The following IPO7 variants were observed in gnomAD, a reference collection of about 807,000 sequenced individuals.
IPO7 encodes importin 7, also known as importin-7.
Under a neutral mutation model 136.4 loss-of-function variants are expected in IPO7, and 13 were observed. That is an observed-to-expected ratio of 0.10 (90% CI 0.06 to 0.15). The LOEUF is 0.15. IPO7 is among the 10% of genes least tolerant of loss of function. IPO7 has a pLI of 1.00. For missense variants in IPO7, 857 were observed against 1,240.6 expected (o/e 0.69, Z 4.65); for synonymous variants, 403 against 404.4 (o/e 1.00, Z 0.04).
rs746976344 is a variant in IPO7 at position 9,430,856 on chromosome 11, T to TA, written c.1753-18dup. On this transcript the variant is annotated intron_variant, in intron 15 of 24. Coordinates refer to ENST00000379719, the MANE Select transcript of IPO7 (RefSeq NM_006391.3). ...TAATGCTTCAGTGACAAACTTGAGT[T>TA]ATATTCTCTTGAATCTAGGCAATGA... 3.1e-6 allele frequency: 5 copies of TA among 1,608,848 alleles called. No individual in the cohort carries two copies. The highest frequency in any genetic ancestry group is 2.2e-4 in the Middle Eastern group (1 of 4,518).
Position 9,440,724 on chromosome 11 carries a change from C to T in IPO7, c.2902+63C>T, listed in dbSNP as rs1271081443. 7.0e-6 allele frequency: 9 copies of T among 1,291,810 alleles called. No homozygotes were observed. In the Admixed American group the frequency reaches 8.4e-5, roughly 12 times the overall value. 80.0% of individuals were successfully genotyped at this position (1,291,810 alleles called of 1,614,324 possible). A position where few individuals can be genotyped will look rare whatever the true frequency, so the allele number is the denominator to read the frequency against. On this transcript the variant is annotated intron_variant, in intron 23 of 24. Coordinates refer to ENST00000379719, the MANE Select transcript of IPO7 (RefSeq NM_006391.3). ...ACAAATCTGTTGTAGTTTCTGCCTG[C>T]CCTTTAAAGGAAGAGTTTGGAGGAT...
intron 16 of IPO7, among the ~76,000 whole-genome samples, chr11:9,431,676 A>C (rs1331538295): frequency 6.6e-6 from 1 of 152,040 alleles, no homozygotes; most frequent in Non-Finnish European, 1.5e-5. Context: ...ATTTTTTAAA[A>C]AATCCATTAT....
intron 22 of IPO7, among the ~76,000 whole-genome samples, chr11:9,439,401 C>T (rs1855429027): frequency 6.6e-6 from 1 of 152,098 alleles, no homozygotes; most frequent in Non-Finnish European, 1.5e-5. Context: ...CAGGCGTGAG[C>T]CACTGCACTG....
At chr11:9,405,266 C>G (rs969225345) in intron 2 of IPO7, among the ~76,000 whole-genome samples, 1 of 152,102 alleles carries the variant, frequency 6.6e-6, no homozygotes, top group African/African-American at 2.4e-5. Context: ...GCTCCGCCTC[C>G]CAGGTTCACG....
chr11:9,395,743 G>C (rs941171539), intron 1 of IPO7, among the ~76,000 whole-genome samples: 2 of 151,676 alleles, frequency 1.3e-5, no homozygotes, highest in East Asian at 3.9e-4. Flanking sequence ...TTGAGACGGA[G>C]GCTCACTCCG....
chr11:9,393,910 G>T (rs1854672940), intron 1 of IPO7, among the ~76,000 whole-genome samples: 1 of 151,940 alleles, frequency 6.6e-6, no homozygotes, highest in Non-Finnish European at 1.5e-5. Context: ...TTTTGAGACA[G>T]TCTCTCTCTG....
chr11:9,438,234 C>T lies in IPO7; in HGVS notation c.2644C>T (p.His882Tyr). 6.2e-7 allele frequency: 1 copy of T among 1,609,506 alleles called. No homozygotes were observed. Among genetic ancestry groups the T allele is most frequent in the Non-Finnish European group, 8.5e-7 (1 of 1,176,692 alleles). The change falls in exon 22 of 25, where the codon CAT (histidine) becomes TAT (tyrosine). Residue 882 changes from histidine (H) to tyrosine (Y), a missense_variant. This residue lies in a region of IPO7 where 119 missense variants were observed against 155.5 expected (regional missense o/e 0.77). Coordinates refer to ENST00000379719, the MANE Select transcript of IPO7 (RefSeq NM_006391.3). ...AAGAGCATATGCCTGCCATGCAGAA[C>T]ATGAGAATGACAGTGATGATGATGA... Reference protein sequence around the residue: ...LKRAYACHAEHENDSDDDDEA... With the variant: ...LKRAYACHAEYENDSDDDDEA...
chr11:9,408,691 T>TTTTTG, intron 3 of IPO7, 52 bp downstream of exon 3: 2 of 1,293,014 alleles, frequency 1.5e-6, no homozygotes, highest in Non-Finnish European at 2.1e-6. Context: ...CTTTCAGGGT[T>TTTTTG]TTTTGTTTTT....
chr11:9,439,902 C>T (rs778135405), intron 22 of IPO7, among the ~76,000 whole-genome samples: 3 of 152,080 alleles, frequency 2.0e-5, no homozygotes, highest in Non-Finnish European at 4.4e-5. Context: ...TATTTTTAAG[C>T]TTCTAAAGAT....
chr11:9,402,062 C>G (rs1854804366), intron 1 of IPO7, among the ~76,000 whole-genome samples: 2 of 152,078 alleles, frequency 1.3e-5, no homozygotes, highest in Admixed American at 1.3e-4. Context: ...ACAGGTGTCA[C>G]AGAGGGTATT....
At chr11:9,394,041 C>T (rs149239529) in intron 1 of IPO7, among the ~76,000 whole-genome samples, 302 of 152,086 alleles carry the variant, frequency 2.0e-3, no homozygotes, top group African/African-American at 7.0e-3. Context: ...CGCCACCACG[C>T]CCAGCTAATT....
At position 9,410,084 on chromosome 11, in the gene IPO7, T is replaced by C. The variant is rs1854947982; in HGVS notation, c.477T>C (p.Tyr159=). 6.3e-7 allele frequency: 1 copy of C among 1,576,916 alleles called. No homozygotes were observed. Among genetic ancestry groups the C allele is most frequent in the Non-Finnish European group, 8.6e-7 (1 of 1,164,612 alleles). ...GCCTTTATCAGCTTGTGAAAAATTA[T>C]GAGTAAGTGTTTCTTTCAACTCCTA... is the stretch of plus-strand genomic sequence containing the variant. ...LLCLYQLVKN[Y]EYKKPEERSP... Residue 159 remains tyrosine, a splice_region_variant and synonymous_variant, in exon 4 of 25, where the codon TAT becomes TAC. Coordinates refer to ENST00000379719, the MANE Select transcript of IPO7 (RefSeq NM_006391.3).
chr11:9,429,251 A>C, intron 14 of IPO7, 55 bp downstream of exon 14: 8 of 1,431,058 alleles, frequency 5.6e-6, no homozygotes, highest in Non-Finnish European at 6.8e-6. Context: ...GCGGTAGGTC[A>C]CACCTGTAAT....
Position 9,403,422 on chromosome 11 carries a change from T to C in IPO7, c.166+51T>C, listed in dbSNP as rs539254289. The C allele has an allele frequency of 4.7e-5, 66 of 1,393,194 alleles. 1 individual carries two copies. In the South Asian group the frequency reaches 7.0e-4, roughly 15 times the overall value. The allele number at this position is 1,393,194 out of a possible 1,614,324, so 86.3% of individuals were successfully genotyped here. ...GTATGTAATCTATTGTTTAAAAGGT[T>C]CATAATCGAATAGCAGAAGTGTCTT... On this transcript the variant is annotated intron_variant, in intron 2 of 24. Transcript: ENST00000379719.
At chr11:9,428,879 T>C in intron 13 of IPO7, 152 bp from the exon 14 acceptor site, 1 of 812,704 alleles carries the variant, frequency 1.2e-6, no homozygotes, top group Non-Finnish European at 2.2e-6. Flanking sequence ...AAAGAGTAAC[T>C]TGGGATCATA....
intron 1 of IPO7, among the ~76,000 whole-genome samples, chr11:9,397,492 A>G (rs1854732470): frequency 6.7e-6 from 1 of 149,550 alleles, no homozygotes; most frequent in East Asian, 2.0e-4. Flanking sequence ...CAGCCTCCCA[A>G]AGCACTGGGA....
chr11:9,385,254 G>A (rs1376816738), intron 1 of IPO7, among the ~76,000 whole-genome samples: 2 of 152,218 alleles, frequency 1.3e-5, no homozygotes, highest in Non-Finnish European at 1.5e-5. Context: ...CGCCGTCGCA[G>A]GGTTTGGAAG....
At chr11:9,426,735 A>C (rs1015883312) in intron 12 of IPO7, among the ~76,000 whole-genome samples, 18 of 151,976 alleles carry the variant, frequency 1.2e-4, no homozygotes, top group South Asian at 6.2e-4. Context: ...TCCTTGCCCC[A>C]AAAAAATTGC....
chr11:9,416,895 C>T (rs985322005), intron 5 of IPO7, among the ~76,000 whole-genome samples, 164 bp from the exon 6 acceptor site: 1 of 152,194 alleles, frequency 6.6e-6, no homozygotes, highest in East Asian at 1.9e-4. Flanking sequence ...GATGCCCACT[C>T]ACTGTTTACC....
Sources: gnomAD v4.1 joint callset for allele counts (sites outside exome capture counted in the v4.1 genomes callset) on GRCh38, gnomAD v4.1.1 for gene constraint, gnomAD v4.1.1 regional missense constraint, MANE v1.5 for transcripts, NCBI Gene and HGNC (gene_info 2026-07-23, HGNC 2026-07-21) for gene names.